The following PFKFB3 variants were observed in gnomAD, a reference collection of about 807,000 sequenced individuals.
PFKFB3 encodes the protein 6-phosphofructo-2-kinase/fructose-2,6-biphosphatase 3.
A neutral mutation model predicts 68.0 loss-of-function variants in PFKFB3; 33 were observed. The observed-to-expected ratio is 0.49, with a 90% CI of 0.37 to 0.65. The LOEUF (loss-of-function observed/expected upper bound fraction) is 0.65. PFKFB3 is among the 30% of genes least tolerant of loss of function. PFKFB3 has a pLI of 0.00. For missense variants in PFKFB3, 586 were observed against 712.2 expected (o/e 0.82, Z 2.02); for synonymous variants, 315 against 288.2 (o/e 1.09, Z -0.94).
At position 6,228,570 on chromosome 10, in the gene PFKFB3, G is replaced by A. The variant is rs1845513929; in HGVS notation, c.1515+2205G>A. ...CTTATCAGAATCAGATCTTGGTGGC[G>A]AGCTGCATCTGTGCCAGGTGCCATT... On this transcript the variant is annotated intron_variant, in intron 14 of 14. Coordinates refer to ENST00000379775, the MANE Select transcript of PFKFB3 (RefSeq NM_004566.4). The surrounding 1 kb of genome is among the most constrained non-coding windows in gnomAD (Gnocchi z 4.5). 6.6e-6 allele frequency among the ~76,000 whole-genome samples: 1 copy of A among 152,084 alleles called. No homozygotes were observed. Among genetic ancestry groups the A allele is most frequent in the Admixed American group, 6.6e-5 (1 of 15,264 alleles).
intron 1 of PFKFB3, among the ~76,000 whole-genome samples, chr10:6,196,296 A>G (rs769904350): frequency 1.3e-5 from 2 of 152,046 alleles, no homozygotes; most frequent in Non-Finnish European, 2.9e-5. Flanking sequence ...ACACCCGGCT[A>G]ATTTTTTGTA....
At chr10:6,310,284 C>T in the PFKFB3 span, among the ~76,000 whole-genome samples, 34 of 152,054 alleles carry the variant, frequency 2.2e-4, no homozygotes, top group South Asian at 5.0e-3. Flanking sequence ...AACTAGGTCT[C>T]GTTGGGATTT....
intron 1 of PFKFB3, among the ~76,000 whole-genome samples, chr10:6,182,008 CTG>C (rs1359534070): frequency 6.6e-6 from 1 of 152,032 alleles, no homozygotes; most frequent in African/African-American, 2.4e-5. Flanking sequence ...CTGCATAACA[CTG>C]TGATTGTGCT....
At chr10:6,242,120 A>G (rs1218213684) in intron 14 of PFKFB3, among the ~76,000 whole-genome samples, 1 of 152,112 alleles carries the variant, frequency 6.6e-6, no homozygotes, top group Non-Finnish European at 1.5e-5. Flanking sequence ...CAGGGATTAT[A>G]GGCTTATGCT....
intron 1 of PFKFB3, among the ~76,000 whole-genome samples, chr10:6,170,712 G>A (rs938620612): frequency 9.2e-5 from 14 of 151,908 alleles, no homozygotes; most frequent in African/African-American, 3.4e-4. Flanking sequence ...AGGGTATGGA[G>A]GTGGAGACAA....
upstream of PFKFB3, among the ~76,000 whole-genome samples, chr10:6,201,666 C>G (rs1489954861): frequency 6.6e-6 from 1 of 152,172 alleles, no homozygotes; most frequent in African/African-American, 2.4e-5. The surrounding 1 kb of genome is among the most constrained non-coding windows in gnomAD (Gnocchi z 4.1). Flanking sequence ...GTGGCAGCCT[C>G]TGCGCAGACT....
At chr10:6,187,003 G>T (rs1181404788) in intron 1 of PFKFB3, among the ~76,000 whole-genome samples, 1 of 152,036 alleles carries the variant, frequency 6.6e-6, no homozygotes, top group Non-Finnish European at 1.5e-5. Flanking sequence ...GTGCCGCCAC[G>T]ACTGAAGCTG....
chr10:6,177,529 T>A (rs1240564000), intron 1 of PFKFB3, among the ~76,000 whole-genome samples: 1 of 147,674 alleles, frequency 6.8e-6, no homozygotes, highest in Admixed American at 6.9e-5. Flanking sequence ...CCTTTCTTTT[T>A]CTTTTTTTTT....
intron 1 of PFKFB3, among the ~76,000 whole-genome samples, chr10:6,184,072 A>T (rs1842800878): frequency 6.9e-6 from 1 of 144,876 alleles, no homozygotes; most frequent in African/African-American, 2.6e-5. Context: ...TTTATTTTTG[A>T]GACAGAATCT....
At chr10:6,304,484 T>C in the PFKFB3 span, among the ~76,000 whole-genome samples, 2 of 149,292 alleles carry the variant, frequency 1.3e-5, no homozygotes, top group African/African-American at 2.5e-5. Flanking sequence ...ATTAAATGTA[T>C]CTAGTATGTT....
chr10:6,317,520 G>C, the PFKFB3 span, among the ~76,000 whole-genome samples: 1 of 152,140 alleles, frequency 6.6e-6, no homozygotes, highest in Non-Finnish European at 1.5e-5. Context: ...AGGAAGTCCA[G>C]AAAATCATCA....
chr10:6,149,855 C>T (rs949609571), intron 1 of PFKFB3: 1 of 152,560 alleles, frequency 6.6e-6, no homozygotes, highest in Admixed American at 6.5e-5. Flanking sequence ...TCCAAACAAG[C>T]TCTCAAAATG....
chr10:6,151,284 C>T (rs75270790), intron 1 of PFKFB3, among the ~76,000 whole-genome samples: 41 of 151,944 alleles, frequency 2.7e-4, no homozygotes, highest in Non-Finnish European at 5.1e-4. Flanking sequence ...TGAAGAGCAG[C>T]GGGGTTTGGT....
At position 6,203,215 on chromosome 10, in the gene PFKFB3, C is replaced by T. The variant is rs558760497; in HGVS notation, c.-46C>T. 510 of 1,595,456 alleles carry T rather than the reference C, an allele frequency of 3.2e-4. 2 individuals carry two copies. In the South Asian group the frequency reaches 4.6e-3, roughly 14 times the overall value. On this transcript the variant is annotated 5_prime_UTR_variant, in exon 1 of 15. Transcript: ENST00000379775. ...TCGGCGGCCGCTCTCCTGCCAGCGT[C>T]GGGATCTCGGCCCCGGGAGGCGGGC...
chr10:6,278,528 G>A, the PFKFB3 span, among the ~76,000 whole-genome samples: 5 of 152,072 alleles, frequency 3.3e-5, no homozygotes, highest in Non-Finnish European at 7.4e-5. Flanking sequence ...GCCCACCTCG[G>A]CCTCCCAAAG....
In PFKFB3 at chr10:6,162,792, T is replaced by C. The variant is rs561092582; in HGVS notation, c.16+17779T>C. On this transcript the variant is annotated intron_variant, in intron 1 of 14. Transcript: ENST00000379789. Reference sequence around the variant, plus strand: ...TGTCTTAACTCCTGTTCCAGGCTCCTTGTGTCCTTCCCAGTCTCGGCCTTG... The same window carrying C: ...TGTCTTAACTCCTGTTCCAGGCTCCCTGTGTCCTTCCCAGTCTCGGCCTTG... Among the ~76,000 whole-genome samples the C allele has an allele frequency of 3.6e-4, 55 of 152,286 alleles. 1 individual carries two copies. In the South Asian group the frequency reaches 0.011, roughly 32 times the overall value.
chr10:6,315,689 T>A, the PFKFB3 span, among the ~76,000 whole-genome samples: 4 of 152,268 alleles, frequency 2.6e-5, no homozygotes, highest in African/African-American at 9.6e-5. Context: ...TTTCACCATG[T>A]TGACCAGGCT....
In PFKFB3 at chr10:6,234,470, G is replaced by A. The variant is rs1177786359; in HGVS notation, c.*1528G>A. Reference sequence around the variant, plus strand: ...GGAACTGAGGCTGTGCTTCAGGTATGGTACAATCAAGTGGGGGATTTTCAT... The same window carrying A: ...GGAACTGAGGCTGTGCTTCAGGTATAGTACAATCAAGTGGGGGATTTTCAT... On this transcript the variant is annotated 3_prime_UTR_variant, in exon 15 of 15. Transcript: ENST00000379775. 3 of 152,232 alleles carry A rather than the reference G, an allele frequency of 2.0e-5. No homozygotes were observed. Among genetic ancestry groups the A allele is most frequent in the Non-Finnish European group, 2.9e-5 (2 of 68,042 alleles). The allele number at this position is 152,232 out of a possible 1,614,324, so 9.4% of individuals were successfully genotyped here. A position where few individuals can be genotyped will look rare whatever the true frequency, so the allele number is the denominator to read the frequency against.
intron 1 of PFKFB3, chr10:6,145,042 C>T: frequency 7.6e-7 from 1 of 1,318,678 alleles, no homozygotes; most frequent in Non-Finnish European, 9.7e-7. Flanking sequence ...CGGCCCACGC[C>T]CCCAGCGCGC....
Sources: allele counts gnomAD v4.1 joint callset (sites outside exome capture counted in the v4.1 genomes callset), GRCh38; gene constraint gnomAD v4.1.1; non-coding constraint Gnocchi (gnomAD v3.1); transcripts MANE v1.5; gene names NCBI Gene and HGNC (gene_info 2026-07-23, HGNC 2026-07-21).